Variants in PKNOX1 observed in about 807,000 individuals in gnomAD.
The protein encoded by PKNOX1 is PBX/knotted 1 homeobox 1, also known as homeobox protein PKNOX1.
Under a neutral mutation model 51.9 loss-of-function variants are expected in PKNOX1, and 15 were observed. That is an observed-to-expected ratio of 0.29 (90% confidence interval 0.19 to 0.45). PKNOX1 has a LOEUF of 0.45. Ranked by LOEUF, PKNOX1 falls within the 20% of genes least tolerant of loss-of-function variation. PKNOX1 has a pLI of 1.00. For synonymous variants in PKNOX1, 219 were observed against 211.1 expected, an observed-to-expected ratio of 1.04 and a Z score of -0.32; for missense variants, 462 against 547.5, an observed-to-expected ratio of 0.84 and a Z score of 1.56.
At chr21:43,022,159 C>A (rs376729574) in intron 8 of PKNOX1, among the ~76,000 whole-genome samples, 1 of 152,236 alleles carries the variant, frequency 6.6e-6, no homozygotes, top group Non-Finnish European at 1.5e-5. Context: ...TTGCCCTTCT[C>A]CCCTGCTGTC....
At chr21:42,987,404 A>AAAAAAAAATATATATAT in intron 1 of PKNOX1, among the ~76,000 whole-genome samples, 1 of 41,408 alleles carries the variant, frequency 2.4e-5, no homozygotes, top group African/African-American at 9.3e-5. Flanking sequence ...AAAAAAAAAA[A>AAAAAAAAATATATATAT]ATATATATAT....
At chr21:43,018,617 C>T (rs372290101) in intron 7 of PKNOX1, among the ~76,000 whole-genome samples, 2 of 151,578 alleles carry the variant, frequency 1.3e-5, no homozygotes, top group Non-Finnish European at 2.9e-5. Context: ...ACAAAGGGCA[C>T]GGCAGAACTG....
rs553677215 is a variant in PKNOX1 at position 42,978,298 on chromosome 21, C to T, written c.-57+3634C>T. Among the ~76,000 whole-genome samples the T allele has an allele frequency of 4.1e-4, 63 of 152,086 alleles. No individual in the cohort carries two copies. In the South Asian group the frequency reaches 6.9e-3, roughly 17 times the overall value. On this transcript the variant is annotated intron_variant, in intron 1 of 10. Transcript: ENST00000291547. Reference sequence around the variant, plus strand: ...GGGATTACAGGTGTGAGCCAACGGACCTGGCCATTTTCTTATTCATGTGTT... The same window carrying T: ...GGGATTACAGGTGTGAGCCAACGGATCTGGCCATTTTCTTATTCATGTGTT...
Position 43,021,523 on chromosome 21 carries a change from C to A in PKNOX1, c.849+92C>A. 7.1e-7 allele frequency: 1 copy of A among 1,403,288 alleles called. No homozygotes were observed. Among genetic ancestry groups the A allele is most frequent in the Non-Finnish European group, 9.6e-7 (1 of 1,043,416 alleles). The allele number at this position is 1,403,288 out of a possible 1,614,324, so 86.9% of individuals were successfully genotyped here. A position where few individuals can be genotyped will look rare whatever the true frequency, so the allele number is the denominator to read the frequency against. ...CATGGAAAAGGGTTACTTCTCTGGG[C>A]TCAGAAAATCAAAGGCCTGACTTTC... On this transcript the variant is annotated intron_variant, in intron 8 of 10. Transcript: ENST00000291547. The surrounding 1 kb of genome is among the most constrained non-coding windows in gnomAD (Gnocchi z 4.6).
At position 43,014,094 on chromosome 21, in the gene PKNOX1, T is replaced by G. The variant is rs1381225611; in HGVS notation, c.522+856T>G. ...TGGAGTGCAGTGGCGCGATCTCGGCTTACTGCAAACTCCGCCTCCTGGGTT... is the reference window on the plus strand; with the variant it reads ...TGGAGTGCAGTGGCGCGATCTCGGCGTACTGCAAACTCCGCCTCCTGGGTT... On this transcript the variant is annotated intron_variant, in intron 5 of 10. Transcript: ENST00000291547. Among the ~76,000 whole-genome samples the G allele has an allele frequency of 4.7e-5, 7 of 149,614 alleles. No individual in the cohort carries two copies. In the South Asian group the frequency reaches 6.4e-4, roughly 14 times the overall value.
intron 4 of PKNOX1, among the ~76,000 whole-genome samples, chr21:43,010,944 C>T (rs1979221118): frequency 6.6e-6 from 1 of 152,096 alleles, no homozygotes; most frequent in Admixed American, 6.5e-5. Flanking sequence ...GTTCTCTGCA[C>T]AGTGTTTGTA....
intron 1 of PKNOX1, among the ~76,000 whole-genome samples, chr21:43,000,077 A>G (rs1463983204): frequency 6.6e-6 from 1 of 151,954 alleles, no homozygotes; most frequent in East Asian, 1.9e-4. Context: ...TTTACTGTTC[A>G]TATAATTATC....
chr21:43,007,671 C>A, intron 3 of PKNOX1, 53 bp downstream of exon 3: 1 of 1,605,134 alleles, frequency 6.2e-7, no homozygotes, highest in Non-Finnish European at 8.5e-7. Context: ...GGAGTGTCCA[C>A]AAGTTTGTTA....
chr21:43,012,688 G>T (rs1342791637), intron 4 of PKNOX1, among the ~76,000 whole-genome samples: 6 of 152,242 alleles, frequency 3.9e-5, no homozygotes, highest in African/African-American at 1.4e-4. Context: ...CACTAGCCTA[G>T]GGTGAGTGTG....
chr21:42,980,326 C>T (rs532908150), intron 1 of PKNOX1, among the ~76,000 whole-genome samples: 87 of 151,952 alleles, frequency 5.7e-4, no homozygotes, highest in Middle Eastern at 3.4e-3. Context: ...GAGCTGAGAT[C>T]GCTCCAGTGC....
intron 1 of PKNOX1, among the ~76,000 whole-genome samples, chr21:42,991,804 A>G (rs1022634299): frequency 2.0e-5 from 3 of 152,232 alleles, no homozygotes; most frequent in Middle Eastern, 3.2e-3. Flanking sequence ...TAAAGACAAA[A>G]TAACTAAAAA....
In PKNOX1 at chr21:43,021,404, G is replaced by A; in HGVS notation, c.822G>A (p.Met274Ile). The A allele has an allele frequency of 6.2e-7, 1 of 1,612,718 alleles. No homozygotes were observed. Among genetic ancestry groups the A allele is most frequent in the Non-Finnish European group, 8.5e-7 (1 of 1,179,302 alleles). ...TGCCAAAGCATGCCACGAACGTGATGCGGTCCTGGCTCTTCCAGCACATCG... is the reference window on the plus strand; with the variant it reads ...TGCCAAAGCATGCCACGAACGTGATACGGTCCTGGCTCTTCCAGCACATCG... ...GVLPKHATNV[M>I]RSWLFQHIGH... Residue 274 changes from methionine to isoleucine, a missense_variant, in exon 8 of 11, where the codon ATG (methionine) becomes ATA (isoleucine). Around this residue, in one of 5 missense-constraint regions of PKNOX1, gnomAD observed 75 missense variants for 129.8 expected, o/e 0.58. Transcript: ENST00000291547. The surrounding 1 kb of genome is among the most constrained non-coding windows in gnomAD (Gnocchi z 4.6).
chr21:43,007,136 T>A (rs971998995), intron 2 of PKNOX1, among the ~76,000 whole-genome samples: 8 of 152,216 alleles, frequency 5.3e-5, no homozygotes, highest in African/African-American at 1.7e-4. Context: ...GACCTTGGAC[T>A]ATTTGTCTAT....
intron 1 of PKNOX1, among the ~76,000 whole-genome samples, chr21:42,976,655 A>G (rs540110333): frequency 2.6e-5 from 4 of 152,290 alleles, no homozygotes; most frequent in African/African-American, 7.2e-5. Flanking sequence ...TCAAGAAACC[A>G]CTTTCTTTGC....
rs2146305292 is a variant in PKNOX1, at chr21:43,033,314, T to A, written c.*3213T>A. On this transcript the variant is annotated 3_prime_UTR_variant, in exon 11 of 11. Coordinates refer to ENST00000291547, the MANE Select transcript of PKNOX1 (RefSeq NM_004571.5). ...CTGAGAGTGATCCATCTCCTGCCTG[T>A]GTGAGGTAGCAGTGGGCACTTTTCA... 1 of 152,664 alleles carries A rather than the reference T, an allele frequency of 6.6e-6. No homozygotes were observed. Among genetic ancestry groups the A allele is most frequent in the Admixed American group, 6.5e-5 (1 of 15,296 alleles). The allele number at this position is 152,664 out of a possible 1,614,324, so 9.5% of individuals were successfully genotyped here.
intron 1 of PKNOX1, among the ~76,000 whole-genome samples, chr21:43,001,955 C>T (rs574262563): frequency 4.8e-4 from 56 of 116,506 alleles, no homozygotes; most frequent in Admixed American, 3.4e-3. Context: ...AGCAAGACTC[C>T]GTCTCAAATA....
chr21:42,983,364 G>T (rs1448057634), intron 1 of PKNOX1, among the ~76,000 whole-genome samples: 1 of 152,044 alleles, frequency 6.6e-6, no homozygotes, highest in African/African-American at 2.4e-5. Context: ...CTACTATAGG[G>T]ACTTCATACC....
chr21:43,020,427 C>G (rs915756474), intron 7 of PKNOX1: 10 of 152,258 alleles, frequency 6.6e-5, no homozygotes, highest in Admixed American at 6.5e-4. Flanking sequence ...GGCCTTGTAA[C>G]GAGCAGATCT....
chr21:42,977,510 T>A (rs1237819018), intron 1 of PKNOX1, among the ~76,000 whole-genome samples: 2 of 145,160 alleles, frequency 1.4e-5, no homozygotes, highest in African/African-American at 2.5e-5. Context: ...TCCTTAAACC[T>A]CATGAACCAG....
Sources: allele counts gnomAD v4.1 joint callset (sites outside exome capture counted in the v4.1 genomes callset), GRCh38; gene constraint gnomAD v4.1.1; regional missense constraint gnomAD v4.1.1; non-coding constraint Gnocchi (gnomAD v3.1); transcripts MANE v1.5; gene names NCBI Gene and HGNC (gene_info 2026-07-23, HGNC 2026-07-21).